Variants in ATP8A2 observed in about 807,000 individuals in gnomAD.
The protein encoded by ATP8A2 is phospholipid-transporting ATPase IB.
ATP8A2 carries 100 observed loss-of-function variants against 165.6 expected under a neutral mutation model. The observed-to-expected ratio is 0.60, with a 90% CI of 0.51 to 0.71. ATP8A2 has a LOEUF of 0.71. Ranked by LOEUF, ATP8A2 falls within the 30% of genes least tolerant of loss-of-function variation. The pLI is 0.00. For missense variants in ATP8A2, 1,227 were observed against 1,479.5 expected, an observed-to-expected ratio of 0.83 and a Z score of 2.80; for synonymous variants, 543 against 548.8, an observed-to-expected ratio of 0.99 and a Z score of 0.15.
chr13:25,878,005 T>G (rs899058325), intron 33 of ATP8A2, among the ~76,000 whole-genome samples: 1 of 152,196 alleles, frequency 6.6e-6, no homozygotes, highest in African/African-American at 2.4e-5. Flanking sequence ...GTTTGCTAAA[T>G]GGATTGTAAA....
intron 24 of ATP8A2, among the ~76,000 whole-genome samples, chr13:25,644,670 G>A (rs2137589081): frequency 1.3e-5 from 2 of 152,128 alleles, no homozygotes; most frequent in South Asian, 4.2e-4. Flanking sequence ...AAACAGTGGA[G>A]CCATCTAGCC....
intron 20 of ATP8A2, 140 bp from the exon 21 acceptor site, chr13:25,578,675 C>T (rs1257885290): frequency 7.3e-6 from 5 of 682,818 alleles, no homozygotes; most frequent in Non-Finnish European, 7.9e-6. Context: ...ATGCCTGAGC[C>T]CAGCCAAATG....
chr13:25,610,935 G>A (rs2040668632), intron 24 of ATP8A2, among the ~76,000 whole-genome samples: 1 of 102,664 alleles, frequency 9.7e-6, no homozygotes. Flanking sequence ...TTCTTGATTT[G>A]ATTCTCACCT....
chr13:25,901,225 C>G (rs9578935), intron 33 of ATP8A2, among the ~76,000 whole-genome samples: 37 of 151,922 alleles, frequency 2.4e-4, no homozygotes, highest in African/African-American at 8.5e-4. Flanking sequence ...TGGAAGGGGC[C>G]GATGAATAGT....
intron 24 of ATP8A2, among the ~76,000 whole-genome samples, chr13:25,671,847 C>T (rs186696282): frequency 6.6e-6 from 1 of 152,250 alleles, no homozygotes; most frequent in Non-Finnish European, 1.5e-5. Context: ...ATGTCTGTGA[C>T]CCACACCTAT....
chr13:25,598,285 T>G (rs1380237860), intron 24 of ATP8A2, among the ~76,000 whole-genome samples: 2 of 152,176 alleles, frequency 1.3e-5, no homozygotes, highest in African/African-American at 4.8e-5. Context: ...TAACAAGTCT[T>G]GAGATCCTCC....
intron 24 of ATP8A2, among the ~76,000 whole-genome samples, chr13:25,663,039 A>G (rs944945828): frequency 5.3e-5 from 8 of 152,226 alleles, no homozygotes; most frequent in African/African-American, 1.9e-4. Flanking sequence ...CTAGGTGATC[A>G]TCTCAGGGCA....
At chr13:25,987,873 C>T (rs1311462382) in intron 35 of ATP8A2, among the ~76,000 whole-genome samples, 2 of 152,292 alleles carry the variant, frequency 1.3e-5, no homozygotes, top group East Asian at 3.9e-4. Context: ...CAGGTGTGGC[C>T]TCCCTTGAAA....
At position 25,634,658 on chromosome 13, in the gene ATP8A2, T is replaced by A. The variant is rs150950058; in HGVS notation, c.2211+44959T>A. ...TTGAAAATAAGTCCATGTATCTTAG[T>A]TTGTCTCTGCCATTGTCTCATGCAG... On this transcript the variant is annotated intron_variant, in intron 24 of 36. Coordinates refer to ENST00000381655, the MANE Select transcript of ATP8A2 (RefSeq NM_016529.6). Among the ~76,000 whole-genome samples, 346 of 152,282 alleles carry A rather than the reference T, an allele frequency of 2.3e-3. 2 individuals are homozygous for A. Among genetic ancestry groups the A allele is most frequent in the African/African-American group, 8.1e-3 (336 of 41,574 alleles).
chr13:25,806,940 A>C (rs956157165), intron 27 of ATP8A2, among the ~76,000 whole-genome samples: 1 of 152,170 alleles, frequency 6.6e-6, no homozygotes, highest in Non-Finnish European at 1.5e-5. Context: ...GATGTTAAAC[A>C]TCTTTTCATG....
chr13:25,810,655 C>A (rs1160710006), intron 27 of ATP8A2, among the ~76,000 whole-genome samples: 1 of 152,000 alleles, frequency 6.6e-6, no homozygotes, highest in Non-Finnish European at 1.5e-5. Flanking sequence ...CATTGTCCAG[C>A]AACAATAATA....
chr13:25,608,846 G>A (rs2040583586), intron 24 of ATP8A2, among the ~76,000 whole-genome samples: 1 of 152,156 alleles, frequency 6.6e-6, no homozygotes, highest in South Asian at 2.1e-4. Flanking sequence ...CATGTTCTGT[G>A]AGTGCTATGC....
At chr13:25,897,113 A>G (rs912142478) in intron 33 of ATP8A2, among the ~76,000 whole-genome samples, 4 of 152,168 alleles carry the variant, frequency 2.6e-5, no homozygotes, top group African/African-American at 9.7e-5. Flanking sequence ...TAGTTGATGC[A>G]GTTTCTTCCT....
chr13:25,657,970 T>C (rs1326825890), intron 24 of ATP8A2, among the ~76,000 whole-genome samples: 1 of 152,210 alleles, frequency 6.6e-6, no homozygotes, highest in Non-Finnish European at 1.5e-5. Context: ...GGTTCTTCCA[T>C]TGTATTTAAT....
At chr13:25,967,182 T>C (rs1320732502) in intron 34 of ATP8A2, among the ~76,000 whole-genome samples, 2 of 152,232 alleles carry the variant, frequency 1.3e-5, no homozygotes, top group African/African-American at 2.4e-5. Context: ...CTGTTAGATA[T>C]TTGCTCATTT....
Position 26,023,215 on chromosome 13 carries a change from T to A in ATP8A2, c.*3230T>A, listed in dbSNP as rs1213637731. ...TCTTGACCAGGGTTATGTTCACCCA[T>A]CTCCCAACACACACATGCACACATG... On this transcript the variant is annotated 3_prime_UTR_variant, in exon 37 of 37. Transcript: ENST00000381655. The A allele has an allele frequency of 6.6e-6, 1 of 152,218 alleles. No homozygotes were observed. Among genetic ancestry groups the A allele is most frequent in the Non-Finnish European group, 1.5e-5 (1 of 68,068 alleles). 9.4% of individuals were successfully genotyped at this position (152,218 alleles called of 1,614,324 possible).
intron 2 of ATP8A2, among the ~76,000 whole-genome samples, chr13:25,496,180 A>G (rs2036673970): frequency 6.6e-6 from 1 of 152,112 alleles, no homozygotes; most frequent in Non-Finnish European, 1.5e-5. Flanking sequence ...CCTACAATTG[A>G]TGACTTTATG....
At chr13:25,661,147 C>G (rs2042041924) in intron 24 of ATP8A2, among the ~76,000 whole-genome samples, 1 of 152,132 alleles carries the variant, frequency 6.6e-6, no homozygotes, top group Admixed American at 6.6e-5. Context: ...ATGCAGGTTC[C>G]TTGAAGCTCA....
chr13:25,444,478 G>A (rs1468069836), intron 1 of ATP8A2, among the ~76,000 whole-genome samples: 1 of 152,128 alleles, frequency 6.6e-6, no homozygotes, highest in Non-Finnish European at 1.5e-5. Flanking sequence ...GTTTTCTAAA[G>A]TGGCTGAACT....
Sources: gnomAD v4.1 joint callset for allele counts (sites outside exome capture counted in the v4.1 genomes callset) on GRCh38, gnomAD v4.1.1 for gene constraint, MANE v1.5 for transcripts, NCBI Gene and HGNC (gene_info 2026-07-23, HGNC 2026-07-21) for gene names.